The following KALRN variants were observed in gnomAD, a reference collection of about 807,000 sequenced individuals.
The protein encoded by KALRN is kalirin RhoGEF kinase.
KALRN carries 70 observed loss-of-function variants against 353.7 expected under a neutral mutation model. The ratio of observed to expected loss-of-function variants is 0.20; its 90% CI spans 0.16 to 0.24. KALRN has a LOEUF of 0.24. Ranked by LOEUF, KALRN falls within the 10% of genes least tolerant of loss-of-function variation. The pLI is 1.00. For synonymous variants in KALRN, 1,391 were observed against 1,434.8 expected, an observed-to-expected ratio of 0.97 and a Z score of 0.69; for missense variants, 2,791 against 3,756.7, an observed-to-expected ratio of 0.74 and a Z score of 6.72.
chr3:124,513,358 G>C (rs1367133955), intron 33 of KALRN, among the ~76,000 whole-genome samples: 2 of 152,120 alleles, frequency 1.3e-5, no homozygotes, highest in Non-Finnish European at 2.9e-5. Context: ...TTCCAGTTTG[G>C]TGTTTACTTT....
At position 124,633,845 on chromosome 3, in the gene KALRN, C is replaced by A. The variant is rs202092899; in HGVS notation, c.5467-7C>A. ...CAGTAACTAATGCTGCTCTTTTGTT[C>A]TAGAAGAGCAAGAAAGGTTGGGGTG... On this transcript the variant is annotated splice_region_variant and splice_polypyrimidine_tract_variant and intron_variant, in intron 35 of 59. Transcript: ENST00000682506. 586 of 1,611,514 alleles carry A rather than the reference C, an allele frequency of 3.6e-4. 1 individual carries two copies. Among genetic ancestry groups the A allele is most frequent in the South Asian group, 1.1e-3 (104 of 90,868 alleles).
intron 27 of KALRN, among the ~76,000 whole-genome samples, chr3:124,479,908 A>C (rs995833175): frequency 6.6e-6 from 1 of 151,990 alleles, no homozygotes; most frequent in Non-Finnish European, 1.5e-5. Flanking sequence ...TATTTCTAGT[A>C]GAGACAGGGT....
chr3:124,342,832 T>C (rs2081901032), intron 9 of KALRN, among the ~76,000 whole-genome samples: 1 of 152,040 alleles, frequency 6.6e-6, no homozygotes, highest in African/African-American at 2.4e-5. Flanking sequence ...AGTATGAGCA[T>C]GGAAAGGGAA....
At chr3:124,405,275 G>T (rs2091389026) in intron 13 of KALRN, among the ~76,000 whole-genome samples, 1 of 152,160 alleles carries the variant, frequency 6.6e-6, no homozygotes, top group African/African-American at 2.4e-5. Context: ...AATCCCTGAT[G>T]GAAATGTTCA....
chr3:124,500,028 A>G (rs1174711949), intron 33 of KALRN, among the ~76,000 whole-genome samples: 1 of 152,246 alleles, frequency 6.6e-6, no homozygotes, highest in Admixed American at 6.5e-5. Flanking sequence ...TAAAAGGTAC[A>G]TAATACTGCA....
intron 6 of KALRN, among the ~76,000 whole-genome samples, chr3:124,316,009 AC>A (rs992731502): frequency 1.3e-5 from 2 of 152,164 alleles, no homozygotes; most frequent in African/African-American, 4.8e-5. Context: ...AAGTCAGGAA[AC>A]TGAAGAGGTG....
intron 47 of KALRN, among the ~76,000 whole-genome samples, chr3:124,668,653 T>G (rs569865299): frequency 6.6e-6 from 1 of 152,296 alleles, no homozygotes; most frequent in African/African-American, 2.4e-5. Context: ...GGCCCTCAAC[T>G]GTAAAAAAAA....
chr3:124,636,531 A>AC (rs2081366500), intron 36 of KALRN, among the ~76,000 whole-genome samples: 1 of 152,058 alleles, frequency 6.6e-6, no homozygotes, highest in Non-Finnish European at 1.5e-5. Flanking sequence ...ACTCCTGCTA[A>AC]AGCCTTTTAT....
intron 17 of KALRN, among the ~76,000 whole-genome samples, chr3:124,438,547 C>G (rs1173420139): frequency 6.6e-6 from 1 of 151,918 alleles, no homozygotes; most frequent in East Asian, 1.9e-4. Flanking sequence ...CCTGTTCTAC[C>G]TAATTTATAG....
At chr3:124,556,150 A>T (rs910954231) in intron 33 of KALRN, among the ~76,000 whole-genome samples, 1 of 152,172 alleles carries the variant, frequency 6.6e-6, no homozygotes, top group Non-Finnish European at 1.5e-5. Context: ...TTACTATGCA[A>T]TTCACAAGAC....
intron 1 of KALRN, among the ~76,000 whole-genome samples, chr3:124,172,323 T>C (rs1222041745): frequency 6.6e-6 from 1 of 152,132 alleles, no homozygotes; most frequent in Non-Finnish European, 1.5e-5. Flanking sequence ...GTCATGATTG[T>C]TGTGAGCAGG....
intron 1 of KALRN, among the ~76,000 whole-genome samples, chr3:124,195,778 G>T (rs150666787): frequency 8.5e-5 from 13 of 152,304 alleles, no homozygotes; most frequent in Non-Finnish European, 1.6e-4. Context: ...CTGCACAAAA[G>T]GACAGCTGCT....
At chr3:124,123,278 G>T (rs1041594270) in intron 1 of KALRN, among the ~76,000 whole-genome samples, 1 of 151,580 alleles carries the variant, frequency 6.6e-6, no homozygotes, top group Non-Finnish European at 1.5e-5. Flanking sequence ...AAAAATTCTT[G>T]ACGGAAATTA....
chr3:124,514,196 G>A (rs1382382439), intron 33 of KALRN, among the ~76,000 whole-genome samples: 1 of 152,188 alleles, frequency 6.6e-6, no homozygotes, highest in Admixed American at 6.5e-5. Flanking sequence ...CTGAGGTGGA[G>A]AAAGCCTTTT....
intron 9 of KALRN, among the ~76,000 whole-genome samples, chr3:124,339,926 A>G (rs2081515944): frequency 6.6e-6 from 1 of 152,186 alleles, no homozygotes; most frequent in Non-Finnish European, 1.5e-5. Context: ...GGAATCAGAG[A>G]GGTGAGATTC....
intron 34 of KALRN, among the ~76,000 whole-genome samples, chr3:124,602,666 G>A (rs1371921467): frequency 3.9e-5 from 6 of 152,168 alleles, no homozygotes; most frequent in African/African-American, 1.4e-4. Context: ...AGGGTCAGGA[G>A]GGATATACTC....
chr3:124,365,707 T>C (rs916134896), intron 10 of KALRN, among the ~76,000 whole-genome samples: 8 of 152,258 alleles, frequency 5.3e-5, no homozygotes, highest in African/African-American at 1.9e-4. Context: ...AGCATTTAAA[T>C]CTATATTAGC....
intron 38 of KALRN, among the ~76,000 whole-genome samples, chr3:124,654,291 A>G (rs997555013): frequency 4.6e-5 from 7 of 152,222 alleles, no homozygotes; most frequent in African/African-American, 1.7e-4. Context: ...GTGCACTGAT[A>G]AAGAAGCATG....
At chr3:124,071,815 C>G (rs1258257116) in intron 1 of KALRN, among the ~76,000 whole-genome samples, 1 of 152,142 alleles carries the variant, frequency 6.6e-6, no homozygotes, top group East Asian at 1.9e-4. Flanking sequence ...CCATAGCTCT[C>G]TTCATCGACA....
Sources: allele counts gnomAD v4.1 joint callset (sites outside exome capture counted in the v4.1 genomes callset), GRCh38; gene constraint gnomAD v4.1.1; transcripts MANE v1.5; gene names NCBI Gene and HGNC (gene_info 2026-07-23, HGNC 2026-07-21).